MIGA1: variants seen among roughly 807,000 people sequenced by gnomAD.
The protein encoded by MIGA1 is family with sequence similarity 73, member A.
In MIGA1, 58 loss-of-function variants were observed where a neutral mutation model predicts 82.0. The observed-to-expected ratio is 0.71, with a 90% confidence interval of 0.57 to 0.88. MIGA1 has a LOEUF of 0.88. Among genes scored for constraint, MIGA1 ranks in the 40% least tolerant of loss-of-function variants. MIGA1 has a pLI of 0.00. For synonymous variants in MIGA1, 249 were observed against 253.6 expected (o/e 0.98, Z 0.17); for missense variants, 751 against 749.1 (o/e 1.00, Z -0.03).
chr1:77,847,634 G>A (rs761928552), intron 8 of MIGA1: 155 of 1,556,006 alleles, frequency 1.0e-4, no homozygotes, highest in African/African-American at 3.8e-4. Flanking sequence ...GGGCTGCTGC[G>A]CTGGAAGCGT....
At chr1:77,780,073 G>T in intron 1 of MIGA1, 1 of 1,052,020 alleles carries the variant, frequency 9.5e-7, no homozygotes, top group Non-Finnish European at 1.1e-6. Context: ...CCAGAGGAAG[G>T]GTCTGGACGG....
At chr1:77,779,798 GC>G in intron 1 of MIGA1, 62 bp downstream of exon 1, 1 of 1,502,766 alleles carries the variant, frequency 6.7e-7, no homozygotes, top group South Asian at 1.3e-5. Context: ...GAGTTGAGCG[GC>G]CACGCAGTTG....
In MIGA1 at chr1:77,872,481, G is replaced by A. The variant is rs372543468; in HGVS notation, c.1564-523G>A. 3.0e-3 allele frequency among the ~76,000 whole-genome samples: 461 copies of A among 152,122 alleles called. 1 individual carries two copies. The highest frequency in any genetic ancestry group is 6.8e-3 in the Middle Eastern group (2 of 294). On this transcript the variant is annotated intron_variant, in intron 14 of 15. Transcript: ENST00000370791. ...CCAGGAGGGGTGGCGTGCACGTGTG[G>A]TTCCAGCTACCTGGAATTTTGAGGT...
chr1:77,795,632 CTTTTTTT>C (rs774683958), intron 2 of MIGA1, among the ~76,000 whole-genome samples: 2 of 136,160 alleles, frequency 1.5e-5, no homozygotes, highest in Admixed American at 7.4e-5. Flanking sequence ...ATATTACTTT[CTTTTTTT>C]TTTTTTTTTG....
chr1:77,843,571 C>T (rs567492161), intron 8 of MIGA1, among the ~76,000 whole-genome samples, 164 bp downstream of exon 8: 1 of 152,296 alleles, frequency 6.6e-6, no homozygotes, highest in East Asian at 1.9e-4. Flanking sequence ...AAATAAGCTC[C>T]TACAGGAGCT....
At chr1:77,844,159 G>GAT (rs1221272357) in intron 8 of MIGA1, among the ~76,000 whole-genome samples, 3 of 130,698 alleles carry the variant, frequency 2.3e-5, no homozygotes, top group Non-Finnish European at 3.2e-5. Flanking sequence ...TAGATAGATA[G>GAT]ATAGATATAG....
chr1:77,810,962 C>G, intron 5 of MIGA1: 1 of 1,612,028 alleles, frequency 6.2e-7, no homozygotes, highest in Non-Finnish European at 8.5e-7. Context: ...TTGTATAGTT[C>G]TATTACAATT....
intron 13 of MIGA1, 40 bp from the exon 14 acceptor site, chr1:77,866,298 T>C: frequency 6.3e-7 from 1 of 1,577,602 alleles, no homozygotes; most frequent in Non-Finnish European, 8.7e-7. Context: ...AATGTTTATA[T>C]AGCTATATAT....
At chr1:77,786,179 T>G (rs997728114) in intron 2 of MIGA1, among the ~76,000 whole-genome samples, 14 of 152,202 alleles carry the variant, frequency 9.2e-5, no homozygotes, top group African/African-American at 3.4e-4. Flanking sequence ...GGTGGCCCCT[T>G]TCAACCATGG....
intron 5 of MIGA1, among the ~76,000 whole-genome samples, chr1:77,812,443 CAATAAATA>C (rs545909699): frequency 1.3e-5 from 2 of 151,474 alleles, no homozygotes; most frequent in Non-Finnish European, 2.9e-5. Context: ...GACTCTGTCT[CAATAAATA>C]AATAAATAAA....
chr1:77,812,939 AG>A (rs1229124617), intron 5 of MIGA1, among the ~76,000 whole-genome samples: 1 of 152,140 alleles, frequency 6.6e-6, no homozygotes, highest in Non-Finnish European at 1.5e-5. Flanking sequence ...AAGGTGGAAA[AG>A]GCTTTTATTT....
intron 5 of MIGA1, chr1:77,811,888 C>T (rs1017947069): frequency 2.9e-5 from 41 of 1,435,762 alleles, no homozygotes; most frequent in Admixed American, 5.8e-5. Context: ...CAGGAGGAAC[C>T]GCTACGGCCA....
At chr1:77,865,977 ATC>A (rs1685648667) in intron 13 of MIGA1, among the ~76,000 whole-genome samples, 1 of 152,060 alleles carries the variant, frequency 6.6e-6, no homozygotes, top group Admixed American at 6.6e-5. Context: ...CAGTGGCGCG[ATC>A]TCTGTTTACT....
intron 7 of MIGA1, among the ~76,000 whole-genome samples, chr1:77,836,605 A>G (rs1275630186): frequency 2.0e-5 from 3 of 152,148 alleles, no homozygotes; most frequent in Non-Finnish European, 4.4e-5. Flanking sequence ...GCCTCCACAA[A>G]TCTCATTTAA....
chr1:77,834,312 C>G (rs1198128731), intron 7 of MIGA1, among the ~76,000 whole-genome samples: 3 of 152,020 alleles, frequency 2.0e-5, no homozygotes, highest in Non-Finnish European at 2.9e-5. Flanking sequence ...AATAGCTGGA[C>G]TACATTGTGC....
chr1:77,873,986 A>G (rs1316984084), intron 15 of MIGA1, among the ~76,000 whole-genome samples: 1 of 152,098 alleles, frequency 6.6e-6, no homozygotes, highest in Admixed American at 6.5e-5. Context: ...TCATTCTTTG[A>G]TGTTCCTTTT....
At chr1:77,813,651 T>C (rs1683450873) in intron 5 of MIGA1, 83 bp from the exon 6 acceptor site, 7 of 1,417,674 alleles carry the variant, frequency 4.9e-6, no homozygotes, top group Non-Finnish European at 6.9e-6. Flanking sequence ...TCAGTGATAA[T>C]GTATGAAAAC....
intron 2 of MIGA1, among the ~76,000 whole-genome samples, chr1:77,798,617 G>A (rs1365335456): frequency 2.0e-5 from 3 of 152,130 alleles, no homozygotes; most frequent in East Asian, 1.9e-4. Flanking sequence ...AATTATGGGC[G>A]CTACAATTCA....
intron 8 of MIGA1, among the ~76,000 whole-genome samples, chr1:77,843,913 A>G (rs2101891484): frequency 6.6e-6 from 1 of 151,814 alleles, no homozygotes; most frequent in East Asian, 1.9e-4. Context: ...AGCTTGAGCA[A>G]CATAGTGAGA....
Sources: gnomAD v4.1 joint callset for allele counts (sites outside exome capture counted in the v4.1 genomes callset) on GRCh38, gnomAD v4.1.1 for gene constraint, MANE v1.5 for transcripts, NCBI Gene and HGNC (gene_info 2026-07-23, HGNC 2026-07-21) for gene names.